Variants in GRIP2 observed in about 807,000 individuals in gnomAD.
The protein encoded by GRIP2 is glutamate receptor interacting protein 2.
In GRIP2, 58 loss-of-function variants were observed where a neutral mutation model predicts 108.3. The observed-to-expected ratio is 0.54, with a 90% CI of 0.43 to 0.67. GRIP2 has a LOEUF of 0.67. Among genes scored for constraint, GRIP2 ranks in the 30% least tolerant of loss-of-function variants. The pLI is 0.00. For synonymous variants in GRIP2, 586 were observed against 598.2 expected (o/e 0.98, Z 0.30); for missense variants, 1,278 against 1,430.6 (o/e 0.89, Z 1.72).
At chr3:14,591,140 T>C in the GRIP2 span, among the ~76,000 whole-genome samples, 1 of 152,226 alleles carries the variant, frequency 6.6e-6, no homozygotes, top group Non-Finnish European at 1.5e-5. Flanking sequence ...TGCTGATCCC[T>C]CTGCCTTAAA....
the GRIP2 span, among the ~76,000 whole-genome samples, chr3:14,575,265 G>A: frequency 6.6e-6 from 1 of 152,220 alleles, no homozygotes; most frequent in African/African-American, 2.4e-5. Context: ...TGTCCGCAAT[G>A]CTGATTCCTT....
At position 14,520,509 on chromosome 3, in the gene GRIP2, C is replaced by A. The variant is rs1694378482; in HGVS notation, c.741G>T (p.Leu247Phe). 1 of 1,613,952 alleles carries A rather than the reference C, an allele frequency of 6.2e-7. No homozygotes were observed. Among genetic ancestry groups the A allele is most frequent in the African/African-American group, 1.3e-5 (1 of 75,018 alleles). Residue 247 changes from leucine to phenylalanine, a missense_variant, in exon 8 of 24, where the codon TTG becomes TTT. Physicochemically the swap from Leu to Phe is conservative, Grantham distance 22 (BLOSUM62 0). Transcript: ENST00000621039. ...PDTVANASGP[L>F]MVEIVKTPGS... Reference sequence around the variant, plus strand: ...CTGGCGTCTTGACTATTTCCACCATCAAGGGTCCCGAAGCATTAGCCACCG... The same window carrying A: ...CTGGCGTCTTGACTATTTCCACCATAAAGGGTCCCGAAGCATTAGCCACCG...
intron 2 of GRIP2, 102 bp from the exon 3 acceptor site, chr3:14,525,674 T>C: frequency 7.1e-7 from 1 of 1,415,890 alleles, no homozygotes; most frequent in Non-Finnish European, 9.9e-7. Context: ...TAGGGCACTC[T>C]GCTGCATTGC....
chr3:14,540,984 A>G (rs1302623474), upstream of GRIP2, among the ~76,000 whole-genome samples: 1 of 152,202 alleles, frequency 6.6e-6, no homozygotes, highest in Non-Finnish European at 1.5e-5. The surrounding 1 kb of genome is among the most constrained non-coding windows in gnomAD (Gnocchi z 4.1). Context: ...AGACCAAGTG[A>G]GCTGGGTGGA....
At chr3:14,567,935 T>C in the GRIP2 span, among the ~76,000 whole-genome samples, 3 of 152,112 alleles carry the variant, frequency 2.0e-5, no homozygotes, top group African/African-American at 7.2e-5. Context: ...ATGAAGGGAA[T>C]AGGGGACCCA....
At chr3:14,531,914 C>T (rs762427226) in intron 1 of GRIP2, among the ~76,000 whole-genome samples, 1 of 152,204 alleles carries the variant, frequency 6.6e-6, no homozygotes, top group Non-Finnish European at 1.5e-5. Flanking sequence ...CCTGCGCTGC[C>T]TCAGGGCTCA....
intron 1 of GRIP2, among the ~76,000 whole-genome samples, chr3:14,526,659 A>T (rs1694562420): frequency 6.6e-6 from 1 of 151,998 alleles, no homozygotes; most frequent in African/African-American, 2.4e-5. Context: ...TTTCCATTTT[A>T]CTCTCCATGA....
At chr3:14,571,719 C>T in the GRIP2 span, among the ~76,000 whole-genome samples, 73 of 152,318 alleles carry the variant, frequency 4.8e-4, no homozygotes, top group African/African-American at 1.7e-3. Context: ...GTTCAATCTG[C>T]ACACATCTGT....
intron 1 of GRIP2, among the ~76,000 whole-genome samples, chr3:14,538,664 G>A (rs1300138818): frequency 6.6e-6 from 1 of 152,230 alleles, no homozygotes; most frequent in African/African-American, 2.4e-5. Context: ...GAGACCTAGG[G>A]TGGAGGCTAC....
chr3:14,567,477 G>A, the GRIP2 span, among the ~76,000 whole-genome samples: 1 of 152,140 alleles, frequency 6.6e-6, no homozygotes, highest in African/African-American at 2.4e-5. Context: ...CAGGAAACAT[G>A]GCATCCCAGG....
chr3:14,495,698 A>G (rs1403920853), intron 22 of GRIP2, among the ~76,000 whole-genome samples: 1 of 152,040 alleles, frequency 6.6e-6, no homozygotes, highest in Non-Finnish European at 1.5e-5. Flanking sequence ...AGCCACCGCG[A>G]CCAGCTCGTA....
chr3:14,512,746 C>A lies in GRIP2; in HGVS notation c.1720+31G>T. ...TTTCCCCAGCAGTTGAGCTCGCTCC[C>A]AGGGGCAAACAGCAGCGGGAGGAGA... On this transcript the variant is annotated intron_variant, in intron 14 of 23. Coordinates refer to ENST00000621039, the MANE Select transcript of GRIP2 (RefSeq NM_001080423.4). The surrounding 1 kb of genome is among the most constrained non-coding windows in gnomAD (Gnocchi z 5.1). 1 of 1,603,708 alleles carries A rather than the reference C, an allele frequency of 6.2e-7. No homozygotes were observed. Among genetic ancestry groups the A allele is most frequent in the Non-Finnish European group, 8.5e-7 (1 of 1,171,730 alleles).
At chr3:14,509,224 C>T (rs1270845303) in intron 17 of GRIP2, among the ~76,000 whole-genome samples, 1 of 152,244 alleles carries the variant, frequency 6.6e-6, no homozygotes, top group Admixed American at 6.5e-5. Context: ...TTTTACCGCC[C>T]GCTCGTTGCT....
In GRIP2 at chr3:14,512,954, C is replaced by T. The variant is rs1694140693; in HGVS notation, c.1640-97G>A. ...CATTCTGGCTGTGCTGGGAGTGACC[C>T]CGAAAGTCACAGTTCTAATCTCATC... On this transcript the variant is annotated intron_variant, in intron 13 of 23. Transcript: ENST00000621039. The surrounding 1 kb of genome is among the most constrained non-coding windows in gnomAD (Gnocchi z 5.1). The T allele has an allele frequency of 1.9e-6, 2 of 1,058,236 alleles. No individual in the cohort carries two copies. Among genetic ancestry groups the T allele is most frequent in the Non-Finnish European group, 1.5e-6 (1 of 682,902 alleles). The allele number at this position is 1,058,236 out of a possible 1,614,324, so 65.6% of individuals were successfully genotyped here.
chr3:14,558,980 A>T (rs969280375), upstream of GRIP2, among the ~76,000 whole-genome samples: 9 of 152,166 alleles, frequency 5.9e-5, no homozygotes, highest in African/African-American at 2.2e-4. Flanking sequence ...GGATCTGTCC[A>T]TTACGCCTGG....
upstream of GRIP2, among the ~76,000 whole-genome samples, chr3:14,560,685 A>T (rs1444641530): frequency 6.6e-6 from 1 of 152,226 alleles, no homozygotes; most frequent in Admixed American, 6.5e-5. Context: ...AATCCTGATG[A>T]TGATGGCATC....
the GRIP2 span, among the ~76,000 whole-genome samples, chr3:14,597,845 G>T: frequency 3.9e-5 from 6 of 152,324 alleles, no homozygotes; most frequent in East Asian, 1.2e-3. Flanking sequence ...CATGGGAAAT[G>T]ACTTCCACCA....
the GRIP2 span, among the ~76,000 whole-genome samples, chr3:14,563,013 G>GA: frequency 9.9e-4 from 149 of 150,098 alleles, no homozygotes; most frequent in African/African-American, 3.4e-3. Context: ...GAGAGTGGGG[G>GA]AAAAAAAAAA....
intron 11 of GRIP2, among the ~76,000 whole-genome samples, chr3:14,516,151 C>T (rs1694242867): frequency 6.6e-6 from 1 of 152,188 alleles, no homozygotes; most frequent in African/African-American, 2.4e-5. Flanking sequence ...TTTTCATCTA[C>T]ATATTCCCCA....
Sources: gnomAD v4.1 joint callset for allele counts (sites outside exome capture counted in the v4.1 genomes callset) on GRCh38, gnomAD v4.1.1 for gene constraint, Gnocchi (gnomAD v3.1) non-coding constraint, MANE v1.5 for transcripts, NCBI Gene and HGNC (gene_info 2026-07-23, HGNC 2026-07-21) for gene names.